OSGEPL1: variants seen among roughly 807,000 people sequenced by gnomAD.
OSGEPL1 encodes O-sialoglycoprotein endopeptidase like 1.
Under a neutral mutation model 37.2 loss-of-function variants are expected in OSGEPL1, and 26 were observed. The ratio of observed to expected loss-of-function variants is 0.70; its 90% CI spans 0.51 to 0.97. The LOEUF (loss-of-function observed/expected upper bound fraction) is 0.97. Ranked by LOEUF, OSGEPL1 falls within the 50% of genes least tolerant of loss-of-function variation. The probability of loss-of-function intolerance (pLI) is 0.00; values close to 1 mark genes in which losing one functional copy is unlikely to be tolerated. For synonymous variants in OSGEPL1, 140 were observed against 159.9 expected, an observed-to-expected ratio of 0.88 and a Z score of 0.94; for missense variants, 404 against 487.0, an observed-to-expected ratio of 0.83 and a Z score of 1.60.
chr2:189,754,388 T>A, intron 3 of OSGEPL1, 43 bp from the exon 4 acceptor site: 1 of 1,500,506 alleles, frequency 6.7e-7, no homozygotes, highest in Non-Finnish European at 9.0e-7. Flanking sequence ...AATTAAATAC[T>A]GTGAAACGAA....
chr2:189,748,908 C>T (rs887067862), intron 8 of OSGEPL1, among the ~76,000 whole-genome samples: 1 of 152,088 alleles, frequency 6.6e-6, no homozygotes, highest in Non-Finnish European at 1.5e-5. Flanking sequence ...CATCCTACCA[C>T]TCCTAAAATT....
At position 189,761,508 on chromosome 2, in the gene OSGEPL1, T is replaced by A. The variant is rs757930168; in HGVS notation, c.133A>T (p.Ser45Cys). The change falls in exon 2 of 9, where the codon AGT becomes TGT. Residue 45 changes from serine (S) to cysteine (C), a missense_variant. Physicochemically the swap from Ser to Cys is moderately radical, Grantham distance 112 (BLOSUM62 -1). Transcript: ENST00000264151. ...LHKIVLGIET[S>C]CDDTAAAVVD... The stretch of plus-strand genomic sequence containing the variant: ...ACAGCAGCTGCTGTATCATCACAAC[T>A]AGTTTCAATTCCCAATACTATTTTA... 2 of 1,613,336 alleles carry A rather than the reference T, an allele frequency of 1.2e-6. No individual in the cohort carries two copies. Among genetic ancestry groups the A allele is most frequent in the Non-Finnish European group, 1.7e-6 (2 of 1,179,564 alleles).
chr2:189,757,734 C>T (rs2046296296), intron 2 of OSGEPL1, among the ~76,000 whole-genome samples: 1 of 152,188 alleles, frequency 6.6e-6, no homozygotes, highest in South Asian at 2.1e-4. Flanking sequence ...TCATATGTCT[C>T]ATTTATATTT....
At chr2:189,755,147 G>T in intron 3 of OSGEPL1, 26 bp downstream of exon 3, 2 of 1,589,542 alleles carry the variant, frequency 1.3e-6, no homozygotes, top group East Asian at 2.2e-5. Context: ...TAACAAAAAA[G>T]AATGGAGAAA....
intron 8 of OSGEPL1, 158 bp downstream of exon 8, chr2:189,750,392 C>T: frequency 2.4e-6 from 1 of 416,498 alleles, no homozygotes. Flanking sequence ...AAACTATCTT[C>T]CCTTGTAAGA....
At chr2:189,762,887 C>T (rs2047336878), upstream of OSGEPL1, 17 of 985,308 alleles carry the variant, frequency 1.7e-5, no homozygotes, top group Non-Finnish European at 2.0e-5. Context: ...GCCGTCTTTG[C>T]CCAAAACGCT....
At chr2:189,752,136 T>TA (rs1448821680) in intron 7 of OSGEPL1, among the ~76,000 whole-genome samples, 46 of 139,544 alleles carry the variant, frequency 3.3e-4, no homozygotes, top group South Asian at 2.0e-3. Context: ...ACTAAGACTC[T>TA]AAAAAAAAAA....
chr2:189,760,485 C>CA (rs1291134258), intron 2 of OSGEPL1, among the ~76,000 whole-genome samples: 1 of 152,184 alleles, frequency 6.6e-6, no homozygotes, highest in African/African-American at 2.4e-5. Flanking sequence ...AAAAAATCTG[C>CA]AAATACATTA....
Position 189,755,239 on chromosome 2 carries a change from T to A in OSGEPL1, c.543A>T (p.Gln181His), listed in dbSNP as rs758712107. 1 of 1,613,162 alleles carries A rather than the reference T, an allele frequency of 6.2e-7. No homozygotes were observed. The highest frequency in any genetic ancestry group is 1.1e-5 in the South Asian group (1 of 90,940). The change falls in exon 3 of 9, where the codon CAA becomes CAT. Residue 181 changes from glutamine to histidine, a missense_variant. Transcript: ENST00000264151. Reference protein sequence around the residue: ...SGGHCLLALVQGVSDFLLLGK... With the variant: ...SGGHCLLALVHGVSDFLLLGK... ...CAAGAAGCAGAAAATCTGAAACTCC[T>A]TGAACTAATGCCAACAGACAGTGAC...
intron 8 of OSGEPL1, among the ~76,000 whole-genome samples, chr2:189,750,294 C>T (rs2044953775): frequency 6.6e-6 from 1 of 152,078 alleles, no homozygotes; most frequent in Non-Finnish European, 1.5e-5. Context: ...TACTGTGCTT[C>T]TTTCAAAGCT....
At chr2:189,761,262 C>A (rs2047026530) in intron 2 of OSGEPL1, 158 bp downstream of exon 2, 1 of 663,458 alleles carries the variant, frequency 1.5e-6, no homozygotes, top group East Asian at 3.3e-5. Flanking sequence ...CCTTAAAAGC[C>A]AGGATGAAGT....
At chr2:189,761,895 C>T (rs1331249676) in intron 1 of OSGEPL1, among the ~76,000 whole-genome samples, 1 of 152,026 alleles carries the variant, frequency 6.6e-6, no homozygotes. Flanking sequence ...GCATGCTGTT[C>T]CTACCAAAAG....
intron 2 of OSGEPL1, among the ~76,000 whole-genome samples, chr2:189,758,678 G>C (rs2046466556): frequency 6.6e-6 from 1 of 152,216 alleles, no homozygotes; most frequent in East Asian, 1.9e-4. Context: ...AAAGGCCACT[G>C]AACACCTGTG....
intron 2 of OSGEPL1, among the ~76,000 whole-genome samples, chr2:189,756,876 C>T (rs2046167721): frequency 6.6e-6 from 1 of 152,190 alleles, no homozygotes; most frequent in Non-Finnish European, 1.5e-5. Flanking sequence ...TATTCCCCTA[C>T]TCAAAACCTT....
In OSGEPL1 at chr2:189,755,447, A is replaced by G; in HGVS notation, c.335T>C (p.Ile112Thr). The stretch of plus-strand genomic sequence containing the variant: ...AAGTCCTGGTTTTATGGTAGTTGCA[A>G]TTGCTGAGAGGTCACTTGGAGAGAC... ...SGVSPSDLSA[I>T]ATTIKPGLAL... Residue 112 changes from isoleucine to threonine, a missense_variant, in exon 3 of 9, where the codon ATT becomes ACT. Ile to Thr is a moderately conservative substitution (Grantham distance 89). Coordinates refer to ENST00000264151, the MANE Select transcript of OSGEPL1 (RefSeq NM_022353.3). The G allele has an allele frequency of 6.2e-7, 1 of 1,607,618 alleles. No individual in the cohort carries two copies. The highest frequency in any genetic ancestry group is 8.5e-7 in the Non-Finnish European group (1 of 1,178,484).
intron 2 of OSGEPL1, among the ~76,000 whole-genome samples, chr2:189,759,502 G>A (rs139968061): frequency 1.8e-3 from 275 of 152,152 alleles, no homozygotes; most frequent in African/African-American, 6.1e-3. Flanking sequence ...CACTTGCCTC[G>A]GCCTCCCAAA....
intron 2 of OSGEPL1, among the ~76,000 whole-genome samples, chr2:189,758,440 A>G (rs1485143871): frequency 6.6e-6 from 1 of 151,982 alleles, no homozygotes; most frequent in African/African-American, 2.4e-5. Context: ...TGCTCCTGCC[A>G]TGTAAGACGC....
chr2:189,754,970 C>G (rs1274940183), intron 3 of OSGEPL1: 2 of 615,108 alleles, frequency 3.3e-6, no homozygotes, highest in African/African-American at 3.8e-5. Context: ...AGATATGAAC[C>G]TCTTACCATT....
chr2:189,762,423 C>T (rs764923507), intron 1 of OSGEPL1: 6 of 227,466 alleles, frequency 2.6e-5, no homozygotes, highest in Non-Finnish European at 4.4e-5. Flanking sequence ...AGATGAGCGA[C>T]CTATTTGCAG....
Sources: allele counts gnomAD v4.1 joint callset (sites outside exome capture counted in the v4.1 genomes callset), GRCh38; gene constraint gnomAD v4.1.1; transcripts MANE v1.5; gene names NCBI Gene and HGNC (gene_info 2026-07-23, HGNC 2026-07-21).